TOGARAM2: variants seen among roughly 807,000 people sequenced by gnomAD.
The protein encoded by TOGARAM2 is TOG array regulator of axonemal microtubules 2.
A neutral mutation model predicts 93.3 loss-of-function variants in TOGARAM2; 85 were observed. The ratio of observed to expected loss-of-function variants is 0.91; its 90% confidence interval spans 0.76 to 1.09. The LOEUF (loss-of-function observed/expected upper bound fraction) is 1.09. TOGARAM2 is among the 50% of genes least tolerant of loss of function. The pLI is 0.00. For missense variants in TOGARAM2, 1,277 were observed against 1,334.5 expected, an observed-to-expected ratio of 0.96 and a Z score of 0.67; for synonymous variants, 593 against 552.8, an observed-to-expected ratio of 1.07 and a Z score of -1.02.
chr2:28,974,716 T>G (rs1671999970), intron 1 of TOGARAM2, among the ~76,000 whole-genome samples: 1 of 151,930 alleles, frequency 6.6e-6, no homozygotes, highest in Admixed American at 6.6e-5. Flanking sequence ...CTGGTTCAAG[T>G]GATTCTCCTG....
Position 29,003,749 on chromosome 2 carries a change from G to T in TOGARAM2, c.830+67G>T, listed in dbSNP as rs547805079. The T allele has an allele frequency of 6.1e-6, 8 of 1,311,420 alleles. No homozygotes were observed. In the South Asian group the frequency reaches 1.0e-4, roughly 17 times the overall value. The allele number at this position is 1,311,420 out of a possible 1,614,324, so 81.2% of individuals were successfully genotyped here. On this transcript the variant is annotated intron_variant, in intron 6 of 19. Coordinates refer to ENST00000379558, the MANE Select transcript of TOGARAM2 (RefSeq NM_199280.4). ...CTCTGTCCCCCTGAGATCCACTGGG[G>T]CTCCTTGTGGCTGACCCTCCATGCT...
At chr2:29,041,224 A>G (rs961295581) in intron 18 of TOGARAM2, among the ~76,000 whole-genome samples, 7 of 152,080 alleles carry the variant, frequency 4.6e-5, no homozygotes, top group Admixed American at 2.0e-4. Flanking sequence ...GGGTTTCACC[A>G]TGTTGGCCAG....
chr2:28,967,005 G>A (rs1671875571), intron 1 of TOGARAM2, among the ~76,000 whole-genome samples: 1 of 152,208 alleles, frequency 6.6e-6, no homozygotes, highest in Non-Finnish European at 1.5e-5. Context: ...GTCTGCAAAT[G>A]TAAAAAGTTT....
intron 1 of TOGARAM2, among the ~76,000 whole-genome samples, chr2:28,968,320 AAC>A (rs1260156693): frequency 1.3e-5 from 2 of 152,102 alleles, no homozygotes; most frequent in Non-Finnish European, 1.5e-5. Flanking sequence ...TTGTTTTTAT[AAC>A]ACAGCAAATT....
intron 1 of TOGARAM2, among the ~76,000 whole-genome samples, chr2:28,974,180 T>A (rs1345784065): frequency 6.9e-6 from 1 of 144,664 alleles, no homozygotes; most frequent in Non-Finnish European, 1.5e-5. Flanking sequence ...CAGGCTGGAG[T>A]GCAGTGGCAC....
chr2:29,022,926 G>T (rs538523752), intron 11 of TOGARAM2, among the ~76,000 whole-genome samples, 160 bp from the exon 12 acceptor site: 1 of 152,178 alleles, frequency 6.6e-6, no homozygotes. Flanking sequence ...TCCAGGCCAG[G>T]GTGTTACCCC....
intron 4 of TOGARAM2, 149 bp from the exon 5 acceptor site, chr2:29,002,387 C>T: frequency 1.5e-6 from 1 of 666,588 alleles, no homozygotes; most frequent in Non-Finnish European, 2.6e-6. Flanking sequence ...GCTCAGTCTA[C>T]CAGTGGTGGG....
At chr2:29,021,612 G>A (rs529595466) in intron 10 of TOGARAM2, among the ~76,000 whole-genome samples, 1 of 152,350 alleles carries the variant, frequency 6.6e-6, no homozygotes, top group Non-Finnish European at 1.5e-5. Context: ...TCTGGACTGT[G>A]TGGGTGCCAG....
chr2:29,042,832 A>G (rs568311095), intron 18 of TOGARAM2, among the ~76,000 whole-genome samples: 1 of 152,362 alleles, frequency 6.6e-6, no homozygotes, highest in Admixed American at 6.5e-5. Flanking sequence ...CAGCAGGGCA[A>G]TTATGCCTTT....
chr2:28,965,057 A>G (rs978040168), intron 1 of TOGARAM2, among the ~76,000 whole-genome samples: 1 of 152,136 alleles, frequency 6.6e-6, no homozygotes, highest in Admixed American at 6.5e-5. Context: ...TCTTTGAGGA[A>G]TCCCCACACC....
At chr2:28,974,568 G>C (rs770285911) in intron 1 of TOGARAM2, among the ~76,000 whole-genome samples, 16 of 151,998 alleles carry the variant, frequency 1.1e-4, no homozygotes, top group Admixed American at 2.0e-4. Context: ...ACAAATGTTA[G>C]ATATTTTGTT....
intron 8 of TOGARAM2, among the ~76,000 whole-genome samples, chr2:29,015,631 C>T (rs1003738448): frequency 6.6e-6 from 1 of 152,328 alleles, no homozygotes; most frequent in African/African-American, 2.4e-5. Context: ...CTGAAACTGC[C>T]CACATTGGAG....
At chr2:29,047,899 G>A (rs1363534781) in intron 19 of TOGARAM2, 1 of 150,874 alleles carries the variant, frequency 6.6e-6, no homozygotes, top group East Asian at 2.0e-4. Context: ...TGGGGGGCAG[G>A]TAGAGCCCCC....
intron 14 of TOGARAM2, 149 bp from the exon 15 acceptor site, chr2:29,032,785 T>C (rs1428172720): frequency 3.3e-6 from 2 of 607,462 alleles, no homozygotes; most frequent in African/African-American, 3.7e-5. Flanking sequence ...ATTTTATTAA[T>C]CTATTTTTTA....
At chr2:29,013,181 G>A (rs1325943428) in intron 7 of TOGARAM2, among the ~76,000 whole-genome samples, 1 of 152,220 alleles carries the variant, frequency 6.6e-6, no homozygotes, top group African/African-American at 2.4e-5. Context: ...CCTTCATAAT[G>A]AGAAATGTAC....
At chr2:28,981,920 G>A (rs1042405874) in intron 1 of TOGARAM2, among the ~76,000 whole-genome samples, 7 of 152,318 alleles carry the variant, frequency 4.6e-5, no homozygotes, top group African/African-American at 1.4e-4. Context: ...CGATGGTGCC[G>A]GGAAGGGTGG....
At chr2:29,041,635 C>G (rs1186484292) in intron 18 of TOGARAM2, among the ~76,000 whole-genome samples, 1 of 152,186 alleles carries the variant, frequency 6.6e-6, no homozygotes, top group South Asian at 2.1e-4. Flanking sequence ...TGTAAGGCCC[C>G]TTAGACCTCC....
At chr2:29,018,118 A>G (rs998760150) in intron 10 of TOGARAM2, 162 bp downstream of exon 10, 20 of 750,956 alleles carry the variant, frequency 2.7e-5, no homozygotes, top group Non-Finnish European at 3.5e-5. Context: ...AGAGAGAGAA[A>G]CAGTGTCAGG....
intron 18 of TOGARAM2, 73 bp downstream of exon 18, chr2:29,036,830 G>A: frequency 6.9e-7 from 1 of 1,454,092 alleles, no homozygotes; most frequent in Non-Finnish European, 9.4e-7. Flanking sequence ...CTGCAAGGTG[G>A]ATAAGGCCTT....
Sources: gnomAD v4.1 joint callset for allele counts (sites outside exome capture counted in the v4.1 genomes callset) on GRCh38, gnomAD v4.1.1 for gene constraint, MANE v1.5 for transcripts, NCBI Gene and HGNC (gene_info 2026-07-23, HGNC 2026-07-21) for gene names.